Variants in TDRP observed in about 807,000 individuals in gnomAD.
TDRP encodes the protein testis development-related protein.
In TDRP, 12 loss-of-function variants were observed where a neutral mutation model predicts 10.5. The observed-to-expected ratio is 1.15, with a 90% CI of 0.73 to 1.86. The LOEUF (loss-of-function observed/expected upper bound fraction) is 1.86, where lower values mean the gene tolerates loss of function less well. TDRP is among the 40% of genes most tolerant of loss of function. The pLI, the probability that TDRP is intolerant of heterozygous loss-of-function variation, is 0.00. For missense variants in TDRP, 353 were observed against 229.2 expected, an observed-to-expected ratio of 1.54 and a Z score of -3.49; for synonymous variants, 139 against 95.4, an observed-to-expected ratio of 1.46 and a Z score of -2.67.
rs368828248 is a variant in TDRP, at chr8:494,481, A to G, written c.212+13T>C. On this transcript the variant is annotated intron_variant, in intron 2 of 2. Coordinates refer to ENST00000324079, the MANE Select transcript of TDRP (RefSeq NM_001384899.1). ...TCCTGAAATGATCATTTTCTTACACAGTTATGACTTACCCTTTGGACTTGG... is the reference window on the plus strand; with the variant it reads ...TCCTGAAATGATCATTTTCTTACACGGTTATGACTTACCCTTTGGACTTGG... 1.6e-4 allele frequency: 264 copies of G among 1,610,540 alleles called. 1 individual carries two copies. In the African/African-American group the frequency reaches 3.0e-3, roughly 18 times the overall value.
chr8:524,302 C>T (rs932966333), intron 1 of TDRP, among the ~76,000 whole-genome samples: 1 of 152,142 alleles, frequency 6.6e-6, no homozygotes, highest in African/African-American at 2.4e-5. Flanking sequence ...CCTTTGAATA[C>T]TTGGAAAGCT....
chr8:512,347 C>T, intron 1 of TDRP, among the ~76,000 whole-genome samples: 1 of 151,966 alleles, frequency 6.6e-6, no homozygotes, highest in East Asian at 1.9e-4. Context: ...ACAGGAGAAT[C>T]ACTTGAACCC....
chr8:516,172 AAT>A (rs1391791460), intron 1 of TDRP, among the ~76,000 whole-genome samples: 1 of 152,196 alleles, frequency 6.6e-6, no homozygotes. Context: ...TGGTGGTGTG[AAT>A]GGAGAAGAAA....
intron 1 of TDRP, among the ~76,000 whole-genome samples, chr8:541,885 G>A (rs941962329): frequency 6.6e-6 from 1 of 152,124 alleles, no homozygotes; most frequent in Non-Finnish European, 1.5e-5. Flanking sequence ...ATGCAATCCA[G>A]CAATCAGGCT....
rs139167510 is a variant in TDRP, at chr8:512,211, G to A, written c.109-17614C>T. On this transcript the variant is annotated intron_variant, in intron 1 of 2. Coordinates refer to ENST00000324079, the MANE Select transcript of TDRP (RefSeq NM_001384899.1). ...AAGGCCACAGCAGGTGGATCACGAGGTGGAGACTGAGACCATCCTGGCCAA... is the reference window on the plus strand; with the variant it reads ...AAGGCCACAGCAGGTGGATCACGAGATGGAGACTGAGACCATCCTGGCCAA... 3.9e-5 allele frequency among the ~76,000 whole-genome samples: 6 copies of A among 151,994 alleles called. No individual in the cohort carries two copies. In the East Asian group the frequency reaches 1.2e-3, roughly 29 times the overall value.
chr8:514,202 A>T (rs1490577879), intron 1 of TDRP, among the ~76,000 whole-genome samples: 1 of 152,238 alleles, frequency 6.6e-6, no homozygotes, highest in Admixed American at 6.5e-5. Flanking sequence ...CCACAAAGCA[A>T]CAGTAATAAA....
chr8:493,110 C>G (rs1801026158), intron 2 of TDRP, among the ~76,000 whole-genome samples: 1 of 152,194 alleles, frequency 6.6e-6, no homozygotes, highest in African/African-American at 2.4e-5. Context: ...CAAGGGAAAT[C>G]TATTCAATTT....
intron 1 of TDRP, among the ~76,000 whole-genome samples, chr8:507,969 G>A (rs1393591391): frequency 6.6e-6 from 1 of 152,096 alleles, no homozygotes; most frequent in Non-Finnish European, 1.5e-5. Flanking sequence ...AAGTTTTGAG[G>A]CAGCCAAAGA....
At chr8:533,151 A>T (rs1171459402) in intron 1 of TDRP, among the ~76,000 whole-genome samples, 1 of 152,166 alleles carries the variant, frequency 6.6e-6, no homozygotes, top group African/African-American at 2.4e-5. Flanking sequence ...TCAACAACAA[A>T]TTATGAGTTC....
intron 1 of TDRP, among the ~76,000 whole-genome samples, chr8:527,820 A>G (rs1802073253): frequency 6.6e-6 from 1 of 152,150 alleles, no homozygotes; most frequent in African/African-American, 2.4e-5. Flanking sequence ...CTAAAAGAAA[A>G]CATCAGGGAA....
chr8:504,854 T>A (rs1207612899), intron 1 of TDRP, among the ~76,000 whole-genome samples: 1 of 152,210 alleles, frequency 6.6e-6, no homozygotes, highest in Non-Finnish European at 1.5e-5. Context: ...GACTTATAAA[T>A]TCATTCTAAG....
chr8:538,547 C>T (rs1445890689), intron 1 of TDRP, among the ~76,000 whole-genome samples: 2 of 152,162 alleles, frequency 1.3e-5, no homozygotes, highest in African/African-American at 4.8e-5. Context: ...AAAAACAAAA[C>T]TGATACTTGG....
chr8:529,604 T>C (rs1198219819), intron 1 of TDRP, among the ~76,000 whole-genome samples: 1 of 152,188 alleles, frequency 6.6e-6, no homozygotes, highest in Non-Finnish European at 1.5e-5. Flanking sequence ...TCTTTATTTG[T>C]TCATTTTTGA....
At chr8:504,703 C>A (rs1286166572) in intron 1 of TDRP, among the ~76,000 whole-genome samples, 3 of 152,230 alleles carry the variant, frequency 2.0e-5, no homozygotes, top group Admixed American at 6.5e-5. Flanking sequence ...TTTGGGTCAA[C>A]AGACTTTGCC....
rs1013976686 is a variant in TDRP, at chr8:501,184, C to T, written c.109-6587G>A. Among the ~76,000 whole-genome samples, 13 of 151,488 alleles carry T rather than the reference C, an allele frequency of 8.6e-5. 1 individual carries two copies. The highest frequency in any genetic ancestry group is 6.9e-3 in the Middle Eastern group (2 of 288). On this transcript the variant is annotated intron_variant, in intron 1 of 2. Coordinates refer to ENST00000324079, the MANE Select transcript of TDRP (RefSeq NM_001384899.1). The stretch of plus-strand genomic sequence containing the variant: ...TCGCGCCACTGCACTCCAGCCTGGG[C>T]GACAGAGTGAGACTCCATCTCAAAA...
At chr8:521,324 G>C (rs1010955671) in intron 1 of TDRP, among the ~76,000 whole-genome samples, 6 of 151,862 alleles carry the variant, frequency 4.0e-5, no homozygotes, top group African/African-American at 1.5e-4. Flanking sequence ...GGCTGAGGCA[G>C]GAGAATGGCG....
rs574561137 is a variant in TDRP, at chr8:514,415, G to A, written c.109-19818C>T. On this transcript the variant is annotated intron_variant, in intron 1 of 2. Coordinates refer to ENST00000324079, the MANE Select transcript of TDRP (RefSeq NM_001384899.1). ...ACTGGAAAGCCACATGTAAGAAAAT[G>A]AAGTTGGATCTTCACACCTGCCTCC... Among the ~76,000 whole-genome samples, 8 of 152,284 alleles carry A rather than the reference G, an allele frequency of 5.3e-5. No homozygotes were observed. In the South Asian group the frequency reaches 1.2e-3, roughly 24 times the overall value.
chr8:544,134 T>C (rs1037259131), intron 1 of TDRP, among the ~76,000 whole-genome samples: 6 of 152,168 alleles, frequency 3.9e-5, no homozygotes, highest in African/African-American at 1.4e-4. Context: ...AACAAACATT[T>C]AGCCCACTTA....
intron 1 of TDRP, among the ~76,000 whole-genome samples, chr8:517,616 G>A (rs1801793148): frequency 6.6e-6 from 1 of 152,150 alleles, no homozygotes; most frequent in Non-Finnish European, 1.5e-5. Context: ...AAGATGTCCA[G>A]CCTTTCCAGG....
Sources: allele counts gnomAD v4.1 joint callset (sites outside exome capture counted in the v4.1 genomes callset), GRCh38; gene constraint gnomAD v4.1.1; transcripts MANE v1.5; gene names NCBI Gene and HGNC (gene_info 2026-07-23, HGNC 2026-07-21).